The following DLST variants were observed in gnomAD, a reference collection of about 807,000 sequenced individuals.
DLST encodes dihydrolipoamide S-succinyltransferase.
Under a neutral mutation model 53.1 loss-of-function variants are expected in DLST, and 17 were observed. That is an observed-to-expected ratio of 0.32 (90% confidence interval 0.22 to 0.48). The LOEUF (loss-of-function observed/expected upper bound fraction) is 0.48. Ranked by LOEUF, DLST falls within the 20% of genes least tolerant of loss-of-function variation. The probability of loss-of-function intolerance (pLI) is 0.99; values close to 1 mark genes in which losing one functional copy is unlikely to be tolerated. For missense variants in DLST, 512 were observed against 583.9 expected (o/e 0.88, Z 1.27); for synonymous variants, 206 against 204.8 (o/e 1.01, Z -0.05).
intron 8 of DLST, 74 bp from the exon 9 acceptor site, chr14:74,893,274 T>C: frequency 6.5e-7 from 1 of 1,527,818 alleles, no homozygotes; most frequent in Middle Eastern, 1.7e-4. Context: ...ACAGTACATA[T>C]GAAAGCACTG....
In DLST at chr14:74,903,247, C is replaced by G. The variant is rs1469830456; in HGVS notation, c.*917C>G. The G allele has an allele frequency of 6.5e-6, 1 of 152,700 alleles. No individual in the cohort carries two copies. Among genetic ancestry groups the G allele is most frequent in the Admixed American group, 6.5e-5 (1 of 15,282 alleles). 9.5% of individuals were successfully genotyped at this position (152,700 alleles called of 1,614,324 possible). On this transcript the variant is annotated 3_prime_UTR_variant, in exon 15 of 15. Coordinates refer to ENST00000334220, the MANE Select transcript of DLST (RefSeq NM_001933.5). The stretch of plus-strand genomic sequence containing the variant: ...GGGAGGTCTCCTCTAGACTGACTCA[C>G]ATTGCCTTGAGCTTTTCAGTTAAGT...
chr14:74,890,377 C>G (rs1204384167), intron 6 of DLST, among the ~76,000 whole-genome samples: 2 of 152,118 alleles, frequency 1.3e-5, no homozygotes, highest in Non-Finnish European at 2.9e-5. Context: ...CTTGGCCTCC[C>G]AAAGTGTTGG....
chr14:74,893,207 T>TC (rs1262378579), intron 8 of DLST, 141 bp from the exon 9 acceptor site: 1 of 1,066,258 alleles, frequency 9.4e-7, no homozygotes, highest in Non-Finnish European at 1.4e-6. Flanking sequence ...AACAGATTGT[T>TC]CATCTGTGAA....
In DLST at chr14:74,898,447, A is replaced by C. The variant is rs761191682; in HGVS notation, c.849A>C (p.Ala283=). Residue 283 remains alanine, a synonymous_variant, in exon 11 of 15, where the codon GCA becomes GCC. Coordinates refer to ENST00000334220, the MANE Select transcript of DLST (RefSeq NM_001933.5). ...KHNLKLGFMS[A]FVKASAFALQ... ...ACCTCAAACTAGGCTTCATGTCGGCATTTGTGAAGGCCTCAGCCTTTGCCT... is the reference window on the plus strand; with the variant it reads ...ACCTCAAACTAGGCTTCATGTCGGCCTTTGTGAAGGCCTCAGCCTTTGCCT... The C allele has an allele frequency of 1.9e-5, 31 of 1,613,970 alleles. No homozygotes were observed. Among genetic ancestry groups the C allele is most frequent in the Non-Finnish European group, 2.6e-5 (31 of 1,180,048 alleles).
chr14:74,889,786 T>TA, intron 5 of DLST, 111 bp from the exon 6 acceptor site: 2 of 997,590 alleles, frequency 2.0e-6, no homozygotes, highest in East Asian at 4.8e-5. Flanking sequence ...ATGTACTTTC[T>TA]GCTGGCCCTG....
intron 3 of DLST, among the ~76,000 whole-genome samples, chr14:74,887,200 G>GTTCACATA (rs35181943): frequency 0.13 from 20,114 of 152,078 alleles, 1,969 homozygotes; most frequent in African/African-American, 0.28. Flanking sequence ...ATGTTCACAT[G>GTTCACATA]TTCACACTAT....
chr14:74,894,814 T>C, intron 10 of DLST, among the ~76,000 whole-genome samples: 1 of 152,092 alleles, frequency 6.6e-6, no homozygotes, highest in Admixed American at 6.5e-5. Flanking sequence ...CCCAAAGTGC[T>C]GGGATTACAG....
At chr14:74,885,721 C>T (rs1883680822) in intron 3 of DLST, 87 bp downstream of exon 3, 2 of 1,258,812 alleles carry the variant, frequency 1.6e-6, no homozygotes, top group Admixed American at 2.2e-5. Flanking sequence ...CTGATTTCTT[C>T]ACTGGCCTCC....
intron 2 of DLST, 136 bp downstream of exon 2, chr14:74,882,760 A>G (rs1883571270): frequency 2.6e-6 from 2 of 773,206 alleles, no homozygotes; most frequent in South Asian, 1.5e-5. Context: ...GCAATGCTAC[A>G]TAATCACGAG....
chr14:74,891,254 C>A, intron 7 of DLST, 87 bp downstream of exon 7: 2 of 1,578,482 alleles, frequency 1.3e-6, no homozygotes, highest in South Asian at 2.3e-5. Flanking sequence ...CCCGATATGT[C>A]AAAGACTCTT....
chr14:74,885,476 G>A (rs903191600), intron 2 of DLST, 110 bp from the exon 3 acceptor site: 15 of 1,115,916 alleles, frequency 1.3e-5, no homozygotes, highest in African/African-American at 1.2e-4. Flanking sequence ...ATCCGTTGCC[G>A]TTGATCCTGC....
chr14:74,882,057 C>A, intron 1 of DLST, 41 bp downstream of exon 1: 2 of 1,477,398 alleles, frequency 1.4e-6, no homozygotes, highest in Admixed American at 2.3e-5. Context: ...GGTGAGGAGT[C>A]TGTTGGCGGG....
intron 1 of DLST, 101 bp downstream of exon 1, chr14:74,882,117 C>A: frequency 1.8e-6 from 2 of 1,133,544 alleles, no homozygotes; most frequent in Non-Finnish European, 2.3e-6. Context: ...CCGGGCCGGG[C>A]ACCAAGGGCA....
chr14:74,891,971 T>TG (rs1883924170), intron 7 of DLST: 1 of 500,368 alleles, frequency 2.0e-6, no homozygotes, highest in Non-Finnish European at 2.6e-6. Context: ...TCCAGATGGG[T>TG]GAAAAACAGA....
intron 11 of DLST, 71 bp downstream of exon 11, chr14:74,898,570 T>C: frequency 6.5e-7 from 1 of 1,536,884 alleles, no homozygotes; most frequent in Non-Finnish European, 8.8e-7. Context: ...TGCTCCCACA[T>C]GCAGAGGATC....
Position 74,894,423 on chromosome 14 carries a change from TC to T in DLST, c.770+17del. The T allele has an allele frequency of 6.2e-7, 1 of 1,612,634 alleles. No homozygotes were observed. Among genetic ancestry groups the T allele is most frequent in the Non-Finnish European group, 8.5e-7 (1 of 1,179,242 alleles). On this transcript the variant is annotated intron_variant, in intron 10 of 14. Coordinates refer to ENST00000334220, the MANE Select transcript of DLST (RefSeq NM_001933.5). Reference sequence around the variant, plus strand: ...GATTGACATGAGGTAGTGTCTCTAGTCCCTCTTATCCCCTAGGCCCCTTTTT... The same window carrying T: ...GATTGACATGAGGTAGTGTCTCTAGTCCTCTTATCCCCTAGGCCCCTTTTT...
At chr14:74,898,521 T>G in intron 11 of DLST, 22 bp downstream of exon 11, 10 of 1,613,374 alleles carry the variant, frequency 6.2e-6, no homozygotes, top group Non-Finnish European at 8.5e-6. Flanking sequence ...GTGGCTGGAA[T>G]TGGAGAGGTC....
chr14:74,894,270 G>A lies in DLST; in HGVS notation c.673-42G>A, dbSNP rs143510920. ...GACTACACGGGGAATGCTTGACCCA[G>A]AGAGATCAGATTGTCAATGCTTGTT... is the stretch of plus-strand genomic sequence containing the variant. On this transcript the variant is annotated intron_variant, in intron 9 of 14. Transcript: ENST00000334220. The A allele has an allele frequency of 6.5e-5, 105 of 1,610,238 alleles. No individual in the cohort carries two copies. The African/African-American group carries it at 1.1e-3, about 17-fold the overall frequency.
intron 7 of DLST, 62 bp from the exon 8 acceptor site, chr14:74,892,772 T>C: frequency 6.6e-7 from 1 of 1,523,654 alleles, no homozygotes. Flanking sequence ...TGCCACTAAA[T>C]TTTGCTTGGT....
Sources: gnomAD v4.1 joint callset for allele counts (sites outside exome capture counted in the v4.1 genomes callset) on GRCh38, gnomAD v4.1.1 for gene constraint, MANE v1.5 for transcripts, NCBI Gene and HGNC (gene_info 2026-07-23, HGNC 2026-07-21) for gene names.